The following XRCC4 variants were observed in gnomAD, a reference collection of about 807,000 sequenced individuals.
The protein encoded by XRCC4 is X-ray repair cross complementing 4, also known as DNA repair protein XRCC4.
In XRCC4, 28 loss-of-function variants were observed where a neutral mutation model predicts 39.1. The ratio of observed to expected loss-of-function variants is 0.72; its 90% CI spans 0.53 to 0.98. The LOEUF (loss-of-function observed/expected upper bound fraction) is 0.98. Among genes scored for constraint, XRCC4 ranks in the 50% least tolerant of loss-of-function variants. XRCC4 has a pLI of 0.00. For synonymous variants in XRCC4, 123 were observed against 126.4 expected, an observed-to-expected ratio of 0.97 and a Z score of 0.18; for missense variants, 350 against 376.4, an observed-to-expected ratio of 0.93 and a Z score of 0.58.
chr5:83,334,072 C>T (rs1441870963), intron 7 of XRCC4, among the ~76,000 whole-genome samples: 1 of 152,078 alleles, frequency 6.6e-6, no homozygotes, highest in Non-Finnish European at 1.5e-5. Flanking sequence ...CCAGCCTAAA[C>T]CTTTTTTTTC....
intron 7 of XRCC4, among the ~76,000 whole-genome samples, chr5:83,300,665 T>A (rs1199994889): frequency 6.6e-6 from 1 of 150,830 alleles, no homozygotes; most frequent in Admixed American, 6.6e-5. Flanking sequence ...TGTGCCATGG[T>A]GGTTTGCTGC....
chr5:83,228,926 T>C (rs1418574604), intron 6 of XRCC4, among the ~76,000 whole-genome samples: 1 of 152,066 alleles, frequency 6.6e-6, no homozygotes, highest in Non-Finnish European at 1.5e-5. Context: ...ATCTGCAATA[T>C]AGAATCTCTG....
At chr5:83,202,205 C>T (rs1197918208) in intron 4 of XRCC4, 1 of 152,124 alleles carries the variant, frequency 6.6e-6, no homozygotes, top group Non-Finnish European at 1.5e-5. Flanking sequence ...ACGAATAAAC[C>T]ACTGGGAAAA....
chr5:83,193,445 TAAG>T (rs1750800501), intron 3 of XRCC4, among the ~76,000 whole-genome samples: 1 of 152,230 alleles, frequency 6.6e-6, no homozygotes, highest in Admixed American at 6.5e-5. Context: ...TGTATACTTT[TAAG>T]AAGAAATGAC....
chr5:83,355,767 G>A (rs2112244921), downstream of XRCC4, among the ~76,000 whole-genome samples: 1 of 152,280 alleles, frequency 6.6e-6, no homozygotes, highest in African/African-American at 2.4e-5. Context: ...AGACACCCAG[G>A]TAGTTTTTAC....
At chr5:83,343,653 A>T (rs1472653433) in intron 7 of XRCC4, among the ~76,000 whole-genome samples, 1 of 152,110 alleles carries the variant, frequency 6.6e-6, no homozygotes, top group Non-Finnish European at 1.5e-5. Flanking sequence ...TCATTTTTAG[A>T]GTCGTTCCTT....
intron 6 of XRCC4, among the ~76,000 whole-genome samples, chr5:83,206,806 C>T (rs1213236602): frequency 6.6e-6 from 1 of 151,886 alleles, no homozygotes; most frequent in Non-Finnish European, 1.5e-5. Flanking sequence ...TGGATGGGAT[C>T]CAAGGGACAA....
intron 3 of XRCC4, among the ~76,000 whole-genome samples, chr5:83,165,113 A>C (rs2112598180): frequency 6.6e-6 from 1 of 152,212 alleles, no homozygotes; most frequent in East Asian, 1.9e-4. Flanking sequence ...CATTAAAATT[A>C]GTAATAATTT....
intron 7 of XRCC4, among the ~76,000 whole-genome samples, chr5:83,287,317 A>G (rs1168323657): frequency 6.6e-6 from 1 of 152,082 alleles, no homozygotes; most frequent in African/African-American, 2.4e-5. Flanking sequence ...AAGCTTAGCC[A>G]TCTTGGTTTA....
chr5:83,112,660 G>A (rs1414628366), intron 3 of XRCC4, among the ~76,000 whole-genome samples: 1 of 152,128 alleles, frequency 6.6e-6, no homozygotes, highest in Admixed American at 6.5e-5. Context: ...GTTCCATATG[G>A]CTGGGGAGGC....
At position 83,117,204 on chromosome 5, in the gene XRCC4, T is replaced by C. The variant is rs149073716; in HGVS notation, c.315+6001T>C. ...ACCCATGTGACCCTTCCTGCCTTAG[T>C]GCTCTTCATTTAACAGTAGATTGTT... On this transcript the variant is annotated intron_variant, in intron 3 of 7. Coordinates refer to ENST00000396027, the MANE Select transcript of XRCC4 (RefSeq NM_003401.5). Among the ~76,000 whole-genome samples the C allele has an allele frequency of 8.3e-3, 1,266 of 152,326 alleles. 21 individuals are homozygous for C. Among genetic ancestry groups the C allele is most frequent in the African/African-American group, 0.029 (1,196 of 41,570 alleles).
rs1309462340 is a variant in XRCC4, at chr5:83,353,262, G to A, written c.*20G>A. On this transcript the variant is annotated 3_prime_UTR_variant, in exon 8 of 8. Coordinates refer to ENST00000396027, the MANE Select transcript of XRCC4 (RefSeq NM_003401.5). ...ATTTAACAGTCTCAAAAAATACTTT[G>A]ATGTTCACTAGACTATGTTTTCTAT... 3.2e-5 allele frequency: 49 copies of A among 1,532,034 alleles called. No individual in the cohort carries two copies. The highest frequency in any genetic ancestry group is 4.3e-5 in the Non-Finnish European group (48 of 1,122,170). The allele number at this position is 1,532,034 out of a possible 1,614,324, so 94.9% of individuals were successfully genotyped here. A position where few individuals can be genotyped will look rare whatever the true frequency, so the allele number is the denominator to read the frequency against.
the XRCC4 span, among the ~76,000 whole-genome samples, chr5:83,360,292 T>C: frequency 6.6e-6 from 1 of 152,144 alleles, no homozygotes; most frequent in African/African-American, 2.4e-5. Context: ...GGGAGATGTA[T>C]GCTTAAAGGT....
chr5:83,270,175 G>A (rs572862733), intron 7 of XRCC4, among the ~76,000 whole-genome samples: 5 of 152,126 alleles, frequency 3.3e-5, no homozygotes, highest in Non-Finnish European at 4.4e-5. Context: ...TCTGACAGGA[G>A]GTGGAGCTCA....
At chr5:83,255,060 C>T (rs1480268730) in intron 6 of XRCC4, among the ~76,000 whole-genome samples, 1 of 148,238 alleles carries the variant, frequency 6.7e-6, no homozygotes, top group African/African-American at 2.6e-5. Flanking sequence ...GCGCTCCAGC[C>T]TGGGCAACAA....
intron 3 of XRCC4, among the ~76,000 whole-genome samples, chr5:83,186,746 C>A (rs913540969): frequency 1.3e-5 from 2 of 152,132 alleles, no homozygotes; most frequent in African/African-American, 4.8e-5. Flanking sequence ...TGCCTCAAAA[C>A]AACATAAATT....
chr5:83,178,253 A>G (rs185605526), intron 3 of XRCC4, among the ~76,000 whole-genome samples: 1 of 152,224 alleles, frequency 6.6e-6, no homozygotes, highest in East Asian at 1.9e-4. Flanking sequence ...TCAATTGGAG[A>G]CAGCTAGTAG....
At chr5:83,137,588 C>T (rs1747960828) in intron 3 of XRCC4, among the ~76,000 whole-genome samples, 1 of 152,076 alleles carries the variant, frequency 6.6e-6, no homozygotes, top group Non-Finnish European at 1.5e-5. Flanking sequence ...AGTGATGAAC[C>T]CTCCTGACTA....
intron 3 of XRCC4, among the ~76,000 whole-genome samples, chr5:83,193,210 G>A (rs1044587263): frequency 6.6e-6 from 1 of 152,042 alleles, no homozygotes; most frequent in African/African-American, 2.4e-5. Context: ...CAGTGAAGGT[G>A]AAAGAGTGCC....
Sources: gnomAD v4.1 joint callset for allele counts (sites outside exome capture counted in the v4.1 genomes callset) on GRCh38, gnomAD v4.1.1 for gene constraint, MANE v1.5 for transcripts, NCBI Gene and HGNC (gene_info 2026-07-23, HGNC 2026-07-21) for gene names.